The following PDS5B variants were observed in gnomAD, a reference collection of about 807,000 sequenced individuals.
PDS5B encodes the protein sister chromatid cohesion protein PDS5 homolog B.
A neutral mutation model predicts 184.1 loss-of-function variants in PDS5B; 51 were observed. That is an observed-to-expected ratio of 0.28 (90% confidence interval 0.22 to 0.35). PDS5B has a LOEUF of 0.35. Ranked by LOEUF, PDS5B falls within the 10% of genes least tolerant of loss-of-function variation. The pLI is 1.00. For synonymous variants in PDS5B, 566 were observed against 569.2 expected (o/e 0.99, Z 0.08); for missense variants, 1,180 against 1,723.3 (o/e 0.68, Z 5.58).
At chr13:32,728,845 C>T (rs1044365224) in intron 19 of PDS5B, among the ~76,000 whole-genome samples, 3 of 152,100 alleles carry the variant, frequency 2.0e-5, no homozygotes, top group Admixed American at 6.5e-5. Context: ...TAATCTGAAG[C>T]AGAAGTCCTC....
At chr13:32,773,371 T>C in intron 34 of PDS5B, 47 bp downstream of exon 34, 1 of 1,521,198 alleles carries the variant, frequency 6.6e-7, no homozygotes, top group Non-Finnish European at 8.9e-7. Context: ...TAAAAAGAGT[T>C]AGTAAATGTT....
Position 32,687,169 on chromosome 13 carries a change from C to G in PDS5B, c.1239C>G (p.Ala413=). Reference sequence around the variant, plus strand: ...GCAAAGAAGCCATGATGGGACTTGCCCAAATTTATAAGAAATATGCTTTAC... The same window carrying G: ...GCAAAGAAGCCATGATGGGACTTGCGCAAATTTATAAGAAATATGCTTTAC... ...RVRKEAMMGL[A]QIYKKYALQS... is the part of the protein sequence containing the mutation. Residue 413 remains alanine (A), a synonymous_variant, in exon 12 of 35, where the codon GCC becomes GCG. Transcript: ENST00000315596. 3 of 1,604,222 alleles carry G rather than the reference C, an allele frequency of 1.9e-6. No individual in the cohort carries two copies. The South Asian group carries it at 3.4e-5, about 18-fold the overall frequency.
intron 20 of PDS5B, among the ~76,000 whole-genome samples, chr13:32,733,922 G>T (rs1953214992): frequency 6.7e-6 from 1 of 149,114 alleles, no homozygotes; most frequent in South Asian, 2.1e-4. Context: ...CGCATATTTT[G>T]TTTCCCTCTC....
Position 32,641,619 on chromosome 13 carries a change from A to T in PDS5B, c.-19-7135A>T, listed in dbSNP as rs550262339. ...CAATTACTCTCATTTTTCTAAAGCC[A>T]TTTTCTTGACTTTCTTCTGTTTTCC... On this transcript the variant is annotated intron_variant, in intron 1 of 34. Coordinates refer to ENST00000315596, the MANE Select transcript of PDS5B (RefSeq NM_015032.4). Among the ~76,000 whole-genome samples the T allele has an allele frequency of 5.9e-5, 9 of 151,774 alleles. No homozygotes were observed. In the East Asian group the frequency reaches 1.5e-3, roughly 26 times the overall value.
intron 1 of PDS5B, among the ~76,000 whole-genome samples, chr13:32,587,400 G>C (rs1443217733): frequency 6.6e-6 from 1 of 152,204 alleles, no homozygotes; most frequent in Non-Finnish European, 1.5e-5. Flanking sequence ...AGGAACGGCG[G>C]GGAAAATGGT....
chr13:32,760,515 T>C lies in PDS5B; in HGVS notation c.3373-60T>C, dbSNP rs1344677535. On this transcript the variant is annotated intron_variant, in intron 29 of 34. Coordinates refer to ENST00000315596, the MANE Select transcript of PDS5B (RefSeq NM_015032.4). ...GAGAGAGATGTTATTTATGGTTCTT[T>C]ACACGTAACTTTCTTTTGGCTTTAA... The C allele has an allele frequency of 4.0e-6, 6 of 1,514,762 alleles. No homozygotes were observed. The East Asian group carries it at 1.1e-4, about 29-fold the overall frequency. The allele number at this position is 1,514,762 out of a possible 1,614,324, so 93.8% of individuals were successfully genotyped here.
intron 19 of PDS5B, among the ~76,000 whole-genome samples, chr13:32,728,996 G>T (rs1291238508): frequency 6.6e-6 from 1 of 152,114 alleles, no homozygotes; most frequent in Admixed American, 6.5e-5. Flanking sequence ...TGTTACATAG[G>T]TATACATGTG....
At chr13:32,752,705 G>C (rs1309878916) in intron 24 of PDS5B, among the ~76,000 whole-genome samples, 1 of 152,280 alleles carries the variant, frequency 6.6e-6, no homozygotes, top group South Asian at 2.1e-4. Context: ...GGTAGTTTAG[G>C]AGAGGGGAGT....
intron 7 of PDS5B, among the ~76,000 whole-genome samples, chr13:32,669,599 C>T (rs1264106406): frequency 6.6e-6 from 1 of 152,080 alleles, no homozygotes; most frequent in East Asian, 1.9e-4. Context: ...AAAAACATTT[C>T]TTTATCACTT....
At chr13:32,709,785 TTGAG>T (rs1358940091) in intron 18 of PDS5B, among the ~76,000 whole-genome samples, 157 bp from the exon 19 acceptor site, 2 of 152,182 alleles carry the variant, frequency 1.3e-5, no homozygotes, top group African/African-American at 2.4e-5. Context: ...TGTTACATAG[TTGAG>T]TATGTTTTAA....
At chr13:32,679,911 G>GTGTGTGTGTGTGTC (rs1042339754) in intron 10 of PDS5B, among the ~76,000 whole-genome samples, 44 of 150,500 alleles carry the variant, frequency 2.9e-4, no homozygotes, top group African/African-American at 1.1e-3. Context: ...GTGTGTGTGT[G>GTGTGTGTGTGTGTC]TGTGTCTGTT....
intron 1 of PDS5B, among the ~76,000 whole-genome samples, chr13:32,605,687 T>G (rs1375958400): frequency 6.6e-6 from 1 of 152,190 alleles, no homozygotes; most frequent in African/African-American, 2.4e-5. Flanking sequence ...TCTCCCGTTA[T>G]TATTGTGTGG....
intron 6 of PDS5B, among the ~76,000 whole-genome samples, chr13:32,663,464 C>A (rs1950704145): frequency 6.6e-6 from 1 of 151,874 alleles, no homozygotes; most frequent in Admixed American, 6.6e-5. Context: ...TAGTGATAGA[C>A]TAAGATACTT....
chr13:32,718,609 ATTG>A (rs1163100412), intron 19 of PDS5B, among the ~76,000 whole-genome samples: 1 of 152,210 alleles, frequency 6.6e-6, no homozygotes, highest in Non-Finnish European at 1.5e-5. Flanking sequence ...TATCTCTGCT[ATTG>A]TTTAACATTG....
At chr13:32,734,644 A>G (rs962285192) in intron 20 of PDS5B, among the ~76,000 whole-genome samples, 22 of 152,316 alleles carry the variant, frequency 1.4e-4, no homozygotes, top group African/African-American at 5.1e-4. Flanking sequence ...GATCCTTGGC[A>G]TCAAGCCAGC....
rs563826040 is a variant in PDS5B, at chr13:32,741,528, T to G, written c.2475+380T>G. On this transcript the variant is annotated intron_variant, in intron 22 of 34. Transcript: ENST00000315596. Reference sequence around the variant, plus strand: ...AAATTCAGCCTATAATTTATTGAATTAGGAGTTTTATAAGATTGCTCATCA... The same window carrying G: ...AAATTCAGCCTATAATTTATTGAATGAGGAGTTTTATAAGATTGCTCATCA... Among the ~76,000 whole-genome samples, 29 of 152,300 alleles carry G rather than the reference T, an allele frequency of 1.9e-4. 1 individual carries two copies. In the South Asian group the frequency reaches 3.7e-3, roughly 20 times the overall value.
At chr13:32,600,151 C>T (rs1405674093) in intron 1 of PDS5B, among the ~76,000 whole-genome samples, 2 of 152,154 alleles carry the variant, frequency 1.3e-5, no homozygotes, top group Non-Finnish European at 2.9e-5. Flanking sequence ...CAAGATTCCC[C>T]ATTGTGACCA....
intron 28 of PDS5B, among the ~76,000 whole-genome samples, chr13:32,759,104 G>A (rs1327679959): frequency 1.3e-5 from 2 of 152,150 alleles, no homozygotes; most frequent in East Asian, 3.8e-4. Flanking sequence ...GATATAAGAT[G>A]TAAAAAGTGT....
intron 13 of PDS5B, among the ~76,000 whole-genome samples, chr13:32,692,785 A>G (rs1466029996): frequency 1.3e-5 from 2 of 152,002 alleles, no homozygotes; most frequent in African/African-American, 4.8e-5. Context: ...TTATTTATAA[A>G]GGCAATAAAC....
Sources: gnomAD v4.1 joint callset for allele counts (sites outside exome capture counted in the v4.1 genomes callset) on GRCh38, gnomAD v4.1.1 for gene constraint, MANE v1.5 for transcripts, NCBI Gene and HGNC (gene_info 2026-07-23, HGNC 2026-07-21) for gene names.